The following CTNNA2 variants were observed in gnomAD, a reference collection of about 807,000 sequenced individuals.
CTNNA2 encodes the protein catenin alpha 2, also known as catenin alpha-2.
A neutral mutation model predicts 101.0 loss-of-function variants in CTNNA2; 42 were observed. The observed-to-expected ratio is 0.42, with a 90% CI of 0.32 to 0.54. CTNNA2 has a LOEUF of 0.54. Ranked by LOEUF, CTNNA2 falls within the 20% of genes least tolerant of loss-of-function variation. The pLI, the probability that CTNNA2 is intolerant of heterozygous loss-of-function variation, is 0.14. For missense variants in CTNNA2, 871 were observed against 1,223.1 expected (o/e 0.71, Z 4.29); for synonymous variants, 450 against 456.4 (o/e 0.99, Z 0.18).
At chr2:80,462,506 G>A (rs1371741200) in intron 9 of CTNNA2, among the ~76,000 whole-genome samples, 1 of 151,380 alleles carries the variant, frequency 6.6e-6, no homozygotes, top group Non-Finnish European at 1.5e-5. Flanking sequence ...TTCAATTTTG[G>A]GCAATAATCA....
In CTNNA2 at chr2:80,191,235, A is replaced by T. The variant is rs115858339; in HGVS notation, c.1057-201976A>T. The stretch of plus-strand genomic sequence containing the variant: ...AAGCCATAAGACAGAATAGTAGGAG[A>T]TATGAAACTAGCTTAGGGAAAAAAA... On this transcript the variant is annotated intron_variant, in intron 7 of 18. Coordinates refer to ENST00000402739, the MANE Select transcript of CTNNA2 (RefSeq NM_001282597.3). 3.2e-3 allele frequency among the ~76,000 whole-genome samples: 481 copies of T among 152,298 alleles called. 3 individuals carry two copies. Among genetic ancestry groups the T allele is most frequent in the African/African-American group, 0.011 (458 of 41,570 alleles).
intron 7 of CTNNA2, among the ~76,000 whole-genome samples, chr2:80,011,013 G>A (rs914419749): frequency 6.6e-6 from 1 of 152,016 alleles, no homozygotes; most frequent in African/African-American, 2.4e-5. Context: ...TCCTTGCTAT[G>A]AATTAGATTG....
chr2:80,593,245 A>G (rs1439124810), intron 15 of CTNNA2, among the ~76,000 whole-genome samples: 1 of 152,192 alleles, frequency 6.6e-6, no homozygotes, highest in African/African-American at 2.4e-5. Context: ...ATGGGGAGAT[A>G]CAACCAACGT....
intron 7 of CTNNA2, among the ~76,000 whole-genome samples, chr2:80,121,130 AT>A (rs1701808986): frequency 6.6e-6 from 1 of 152,236 alleles, no homozygotes; most frequent in Non-Finnish European, 1.5e-5. Context: ...CTATTAGCAA[AT>A]AATTGTCCCT....
chr2:79,331,248 T>C (rs1243079254), intron 3 of CTNNA2, among the ~76,000 whole-genome samples: 1 of 152,104 alleles, frequency 6.6e-6, no homozygotes, highest in Non-Finnish European at 1.5e-5. Context: ...CCCACTTACC[T>C]AGAAGTGCCT....
intron 9 of CTNNA2, among the ~76,000 whole-genome samples, chr2:80,538,854 C>T (rs185558523): frequency 7.2e-5 from 11 of 152,258 alleles, no homozygotes; most frequent in Non-Finnish European, 1.0e-4. Flanking sequence ...TTCCTGTCCA[C>T]GAGCATGGAC....
chr2:80,319,207 G>T (rs926947447), intron 7 of CTNNA2, among the ~76,000 whole-genome samples: 2 of 152,090 alleles, frequency 1.3e-5, no homozygotes, highest in African/African-American at 2.4e-5. Context: ...TTTTCTAAAA[G>T]AATTTAAATT....
At chr2:80,570,402 T>A (rs939131427) in intron 12 of CTNNA2, among the ~76,000 whole-genome samples, 1 of 152,128 alleles carries the variant, frequency 6.6e-6, no homozygotes, top group Non-Finnish European at 1.5e-5. Context: ...AGAGCAGCAA[T>A]GTGGAGAGCA....
intron 7 of CTNNA2, among the ~76,000 whole-genome samples, chr2:80,338,302 C>CTTTTTTT (rs551404160): frequency 3.7e-5 from 5 of 134,208 alleles, no homozygotes; most frequent in Non-Finnish European, 6.4e-5. Flanking sequence ...TTTTCTTTTT[C>CTTTTTTT]TTTTTTTTTT....
chr2:79,443,903 A>ACTCTCTCTCT lies in CTNNA2; in HGVS notation c.-134-61122_-134-61113dup, dbSNP rs3979544. Reference sequence around the variant, plus strand: ...AAGCTTTTATCTTATTTGTATACATACTCTCTCTCTCTCTCTCTCTCTCTC... The same window carrying ACTCTCTCTCT: ...AAGCTTTTATCTTATTTGTATACATACTCTCTCTCTCTCTCTCTCTCTCTCTCTCTCTCTC... On this transcript the variant is annotated intron_variant, in intron 4 of 21. Transcript: ENST00000466387. 1.0e-3 allele frequency among the ~76,000 whole-genome samples: 143 copies of ACTCTCTCTCT among 141,896 alleles called. 1 individual carries two copies. Among genetic ancestry groups the ACTCTCTCTCT allele is most frequent in the African/African-American group, 2.9e-3 (112 of 38,604 alleles). The allele number at this position is 141,896 out of a possible 152,430, so 93.1% of individuals were successfully genotyped here. A position where few individuals can be genotyped will look rare whatever the true frequency, so the allele number is the denominator to read the frequency against.
At chr2:79,573,974 G>T (rs550686912) in intron 1 of CTNNA2, 24 of 173,984 alleles carry the variant, frequency 1.4e-4, no homozygotes, top group Admixed American at 4.7e-4. Context: ...TGTTCAGGAA[G>T]GGAATTATGG....
intron 7 of CTNNA2, among the ~76,000 whole-genome samples, chr2:80,391,021 A>T (rs1677458836): frequency 6.6e-6 from 1 of 151,566 alleles, no homozygotes; most frequent in African/African-American, 2.4e-5. Flanking sequence ...AATCCCAGCT[A>T]TTCAGGAGAC....
chr2:80,162,337 T>C (rs1220164670), intron 7 of CTNNA2: 14 of 1,032,208 alleles, frequency 1.4e-5, no homozygotes, highest in Non-Finnish European at 1.9e-5. Context: ...TATAAAGAAA[T>C]GTGACAACTT....
chr2:79,450,001 G>T (rs1484237963), intron 4 of CTNNA2, among the ~76,000 whole-genome samples: 1 of 151,932 alleles, frequency 6.6e-6, no homozygotes, highest in Non-Finnish European at 1.5e-5. Flanking sequence ...CTCATTAGAA[G>T]AAAAATTGGT....
At chr2:79,521,775 G>C (rs1028436408) in intron 1 of CTNNA2, among the ~76,000 whole-genome samples, 1 of 152,154 alleles carries the variant, frequency 6.6e-6, no homozygotes, top group Non-Finnish European at 1.5e-5. Context: ...ACTTTTTATT[G>C]TGGGAGAGTG....
chr2:80,096,638 T>C (rs1186554909), intron 7 of CTNNA2, among the ~76,000 whole-genome samples: 3 of 152,118 alleles, frequency 2.0e-5, no homozygotes, highest in Non-Finnish European at 2.9e-5. Flanking sequence ...TGTGTGGGAG[T>C]CTAAGTCTCT....
At chr2:79,919,591 T>C (rs1686511627) in intron 7 of CTNNA2, among the ~76,000 whole-genome samples, 1 of 152,168 alleles carries the variant, frequency 6.6e-6, no homozygotes, top group Non-Finnish European at 1.5e-5. Context: ...CAATTGATCT[T>C]CTCGGAAGAG....
intron 1 of CTNNA2, among the ~76,000 whole-genome samples, chr2:79,185,830 G>C (rs1673770310): frequency 6.6e-6 from 1 of 152,098 alleles, no homozygotes; most frequent in Non-Finnish European, 1.5e-5. Flanking sequence ...TTGGGAACAG[G>C]GGAATGGAGG....
intron 4 of CTNNA2, among the ~76,000 whole-genome samples, chr2:79,398,876 A>G (rs994778110): frequency 1.3e-5 from 2 of 151,842 alleles, no homozygotes; most frequent in African/African-American, 4.8e-5. Flanking sequence ...AAAAAGTTGA[A>G]TCCTATAAAA....
Sources: gnomAD v4.1 joint callset for allele counts (sites outside exome capture counted in the v4.1 genomes callset) on GRCh38, gnomAD v4.1.1 for gene constraint, MANE v1.5 for transcripts, NCBI Gene and HGNC (gene_info 2026-07-23, HGNC 2026-07-21) for gene names.